The following CCDC91 variants were observed in gnomAD, a reference collection of about 807,000 sequenced individuals.
CCDC91 encodes the protein coiled-coil domain-containing protein 91.
Under a neutral mutation model 63.2 loss-of-function variants are expected in CCDC91, and 48 were observed. The ratio of observed to expected loss-of-function variants is 0.76; its 90% CI spans 0.60 to 0.97. The LOEUF is 0.97. CCDC91 is among the 50% of genes least tolerant of loss of function. The pLI is 0.00. For synonymous variants in CCDC91, 167 were observed against 165.8 expected, an observed-to-expected ratio of 1.01 and a Z score of -0.06; for missense variants, 500 against 494.6, an observed-to-expected ratio of 1.01 and a Z score of -0.10.
At position 28,257,188 on chromosome 12, in the gene CCDC91, CTT is replaced by C. The variant is rs761875975; in HGVS notation, c.-14-13_-14-12del. 3 of 1,586,568 alleles carry C rather than the reference CTT, an allele frequency of 1.9e-6. No individual in the cohort carries two copies. Among genetic ancestry groups the C allele is most frequent in the East Asian group, 4.5e-5 (2 of 44,566 alleles). Reference sequence around the variant, plus strand: ...TGTGTGTGCGGGCTTGTTTCAATATCTTATATTTTTCAGGTGCCACTTGAAGA... The same window carrying C: ...TGTGTGTGCGGGCTTGTTTCAATATCATATTTTTCAGGTGCCACTTGAAGA... On this transcript the variant is annotated splice_polypyrimidine_tract_variant and intron_variant, in intron 1 of 12. Transcript: ENST00000536442.
intron 3 of CCDC91, among the ~76,000 whole-genome samples, chr12:28,283,733 C>T (rs1948742494): frequency 2.0e-5 from 3 of 151,924 alleles, no homozygotes; most frequent in Non-Finnish European, 2.9e-5. Flanking sequence ...ATACATATAG[C>T]CTGAATGTAA....
chr12:28,291,751 C>T (rs528416147), intron 3 of CCDC91, among the ~76,000 whole-genome samples: 9 of 152,116 alleles, frequency 5.9e-5, no homozygotes, highest in South Asian at 2.1e-4. Flanking sequence ...TTTTGATTTT[C>T]GCTCAGCTCA....
intron 6 of CCDC91, among the ~76,000 whole-genome samples, chr12:28,361,402 G>A (rs1410107769): frequency 6.6e-6 from 1 of 151,778 alleles, no homozygotes; most frequent in South Asian, 2.1e-4. Context: ...TCATTGTTCA[G>A]TTCCCACCTA....
chr12:28,271,065 A>C (rs1947737271), intron 3 of CCDC91, among the ~76,000 whole-genome samples: 2 of 152,136 alleles, frequency 1.3e-5, no homozygotes, highest in Non-Finnish European at 2.9e-5. Context: ...CGTGTAATAA[A>C]GGGATAGAGA....
At chr12:28,302,101 C>T (rs545945723) in intron 3 of CCDC91, among the ~76,000 whole-genome samples, 24 of 151,676 alleles carry the variant, frequency 1.6e-4, no homozygotes, top group African/African-American at 4.6e-4. Flanking sequence ...AGTTTGAGCT[C>T]GGAATTTAAT....
chr12:28,400,189 A>T (rs558229640), intron 8 of CCDC91, among the ~76,000 whole-genome samples: 1 of 152,162 alleles, frequency 6.6e-6, no homozygotes, highest in African/African-American at 2.4e-5. Context: ...TCGATTCTTG[A>T]TTTCTGTGCA....
chr12:28,194,999 C>G (rs568789636), intron 1 of CCDC91, among the ~76,000 whole-genome samples: 2 of 152,278 alleles, frequency 1.3e-5, no homozygotes, highest in South Asian at 4.1e-4. Flanking sequence ...AGTGAAAGAA[C>G]AAAGCTTCCA....
chr12:28,265,430 C>G (rs1947120700), intron 3 of CCDC91, among the ~76,000 whole-genome samples: 2 of 152,016 alleles, frequency 1.3e-5, no homozygotes, highest in Admixed American at 1.3e-4. Context: ...ATGTGGTTCA[C>G]TTTGCATCTG....
intron 3 of CCDC91, among the ~76,000 whole-genome samples, chr12:28,269,906 T>A (rs1254560015): frequency 6.6e-6 from 1 of 151,856 alleles, no homozygotes; most frequent in African/African-American, 2.4e-5. Flanking sequence ...CTAATCAAAG[T>A]TTTTTTTAGT....
At chr12:28,482,217 T>A (rs996132316) in intron 11 of CCDC91, among the ~76,000 whole-genome samples, 1 of 151,928 alleles carries the variant, frequency 6.6e-6, no homozygotes, top group African/African-American at 2.4e-5. Flanking sequence ...TTTGAATAAC[T>A]TCAAATTCTA....
intron 7 of CCDC91, among the ~76,000 whole-genome samples, chr12:28,366,623 G>T (rs531958064): frequency 6.6e-6 from 1 of 152,136 alleles, no homozygotes; most frequent in Non-Finnish European, 1.5e-5. Flanking sequence ...CCCTTCCTAC[G>T]AGTGTCGGGA....
chr12:28,497,916 A>C (rs888782120), intron 12 of CCDC91, among the ~76,000 whole-genome samples: 2 of 151,524 alleles, frequency 1.3e-5, no homozygotes, highest in African/African-American at 4.8e-5. Context: ...TTTTGTCCTC[A>C]ATATTTACTC....
chr12:28,291,961 A>G (rs753221617), intron 3 of CCDC91, among the ~76,000 whole-genome samples: 1 of 152,146 alleles, frequency 6.6e-6, no homozygotes, highest in African/African-American at 2.4e-5. Flanking sequence ...CTCCTTTGCA[A>G]AACTTCTTGA....
chr12:28,364,987 A>G (rs1156344251), intron 7 of CCDC91, among the ~76,000 whole-genome samples: 1 of 152,216 alleles, frequency 6.6e-6, no homozygotes, highest in East Asian at 1.9e-4. Context: ...AAGATGTGGA[A>G]TTCAACAAGT....
chr12:28,343,322 A>G (rs1433659977), intron 6 of CCDC91, among the ~76,000 whole-genome samples: 1 of 152,022 alleles, frequency 6.6e-6, no homozygotes, highest in East Asian at 1.9e-4. Flanking sequence ...GCAAGCACAC[A>G]TATTCATTCG....
chr12:28,368,167 G>GA lies in CCDC91; in HGVS notation c.654+5657dup, dbSNP rs1292479574. ...ATTGAAAATCTTTAAAGCAGCCAGA[G>GA]AAAAATGACATTTTACCTACAGAAT... On this transcript the variant is annotated intron_variant, in intron 7 of 12. Transcript: ENST00000536442. 2.0e-5 allele frequency among the ~76,000 whole-genome samples: 3 copies of GA among 152,108 alleles called. 1 individual carries two copies. The highest frequency in any genetic ancestry group is 4.4e-5 in the Non-Finnish European group (3 of 68,024).
intron 1 of CCDC91, among the ~76,000 whole-genome samples, chr12:28,224,382 A>C (rs1042683158): frequency 2.6e-5 from 4 of 152,184 alleles, no homozygotes; most frequent in African/African-American, 9.7e-5. Context: ...AGAGAAACTC[A>C]TGAGACTTTT....
At chr12:28,386,665 C>G (rs1419204768) in intron 7 of CCDC91, among the ~76,000 whole-genome samples, 3 of 152,176 alleles carry the variant, frequency 2.0e-5, no homozygotes, top group Non-Finnish European at 4.4e-5. Flanking sequence ...CTCTGCCCAG[C>G]CTAAAAATTA....
Position 28,387,765 on chromosome 12 carries a change from G to A in CCDC91, c.655-3539G>A, listed in dbSNP as rs116065188. 9.3e-3 allele frequency among the ~76,000 whole-genome samples: 1,411 copies of A among 152,066 alleles called. 27 individuals are homozygous for A. Among genetic ancestry groups the A allele is most frequent in the African/African-American group, 0.032 (1,337 of 41,482 alleles). ...TACTATTCCATCATATATTTATACCGCAGTTTCTTTATCCACTCGTTGATT... is the reference window on the plus strand; with the variant it reads ...TACTATTCCATCATATATTTATACCACAGTTTCTTTATCCACTCGTTGATT... On this transcript the variant is annotated intron_variant, in intron 7 of 12. Coordinates refer to ENST00000536442, the MANE Select transcript of CCDC91 (RefSeq NM_018318.5).
Sources: allele counts gnomAD v4.1 joint callset (sites outside exome capture counted in the v4.1 genomes callset), GRCh38; gene constraint gnomAD v4.1.1; transcripts MANE v1.5; gene names NCBI Gene and HGNC (gene_info 2026-07-23, HGNC 2026-07-21).